Variants in PCDHA4 observed in about 807,000 individuals in gnomAD.
PCDHA4 encodes protocadherin alpha 4.
In PCDHA4, 49 loss-of-function variants were observed where a neutral mutation model predicts 61.4. The ratio of observed to expected loss-of-function variants is 0.80; its 90% CI spans 0.63 to 1.01. PCDHA4 has a LOEUF of 1.01. PCDHA4 is among the 50% of genes least tolerant of loss of function. The pLI is 0.00. For missense variants in PCDHA4, 1,254 were observed against 1,235.8 expected (o/e 1.01, Z -0.22); for synonymous variants, 590 against 550.3 (o/e 1.07, Z -1.01).
At chr5:140,876,714 CCGCGAGAG>C in intron 1 of PCDHA4, 1 of 1,614,230 alleles carries the variant, frequency 6.2e-7, no homozygotes, top group East Asian at 2.2e-5. Context: ...GCGCCCTGGA[CCGCGAGAG>C]CGTGTCGGCC....
At chr5:140,828,292 C>A in intron 1 of PCDHA4, 2 of 1,614,104 alleles carry the variant, frequency 1.2e-6, no homozygotes, top group Non-Finnish European at 1.7e-6. Flanking sequence ...TCAGGATGGC[C>A]TCCAAAGACC....
chr5:140,968,323 C>G, intron 1 of PCDHA4: 1 of 1,614,114 alleles, frequency 6.2e-7, no homozygotes, highest in Non-Finnish European at 8.5e-7. Flanking sequence ...TGCCAGTCAC[C>G]TCCTATGTCT....
In PCDHA4 at chr5:140,959,652, T is replaced by C. The variant is rs538144488; in HGVS notation, c.2386-19297T>C. 1.3e-4 allele frequency among the ~76,000 whole-genome samples: 20 copies of C among 152,234 alleles called. No individual in the cohort carries two copies. In the South Asian group the frequency reaches 4.2e-3, roughly 32 times the overall value. On this transcript the variant is annotated intron_variant, in intron 1 of 3. Transcript: ENST00000530339. ...AGAGAGAAAAAACACAGAAGCAAAATTGAAGAATTTGTAAATCATTTCTAA... is the reference window on the plus strand; with the variant it reads ...AGAGAGAAAAAACACAGAAGCAAAACTGAAGAATTTGTAAATCATTTCTAA...
intron 1 of PCDHA4, chr5:140,843,324 C>T: frequency 6.3e-7 from 1 of 1,596,010 alleles, no homozygotes; most frequent in Non-Finnish European, 8.6e-7. Flanking sequence ...GTTCTGGTGT[C>T]GCTGGTGGAG....
chr5:140,872,785 C>A (rs781982200), intron 1 of PCDHA4, among the ~76,000 whole-genome samples: 1 of 152,072 alleles, frequency 6.6e-6, no homozygotes, highest in Non-Finnish European at 1.5e-5. Context: ...ATAATATATG[C>A]TAGTTGGCAT....
intron 1 of PCDHA4, chr5:140,842,931 C>A: frequency 1.3e-6 from 2 of 1,594,502 alleles, no homozygotes; most frequent in Non-Finnish European, 1.7e-6. Flanking sequence ...CAGGTGAGCG[C>A]GCGCGACGCG....
At chr5:140,846,395 G>A (rs1168454910) in intron 1 of PCDHA4, among the ~76,000 whole-genome samples, 1 of 90,540 alleles carries the variant, frequency 1.1e-5, no homozygotes, top group Non-Finnish European at 2.1e-5. Flanking sequence ...TTTTTTTTGA[G>A]ACGGAGTCTC....
Position 140,823,167 on chromosome 5 carries a change from G to A in PCDHA4, c.2385+13595G>A, listed in dbSNP as rs150604968. The A allele has an allele frequency of 3.1e-4, 499 of 1,613,956 alleles. 3 individuals carry two copies. In the African/African-American group the frequency reaches 6.0e-3, roughly 20 times the overall value. ...AGCCCCAGTATACCGTGTTCGTGAA[G>A]GAGAACAACCCGCCAGGCTGCCACA... is the stretch of plus-strand genomic sequence containing the variant. On this transcript the variant is annotated intron_variant, in intron 1 of 3. Coordinates refer to ENST00000530339, the MANE Select transcript of PCDHA4 (RefSeq NM_018907.4).
chr5:140,841,344 A>G, intron 1 of PCDHA4: 5 of 1,612,282 alleles, frequency 3.1e-6, no homozygotes, highest in Non-Finnish European at 4.2e-6. Flanking sequence ...TGGCGAGGAG[A>G]GCTGGGATCC....
chr5:140,882,357 A>G lies in PCDHA4; in HGVS notation c.2385+72785A>G, dbSNP rs1010659037. On this transcript the variant is annotated intron_variant, in intron 1 of 3. Transcript: ENST00000530339. Reference sequence around the variant, plus strand: ...GCAGCCTGGGAGACGGGTAGTGGCCAGCTCCACTACTCCGTCCCCGAGGAA... The same window carrying G: ...GCAGCCTGGGAGACGGGTAGTGGCCGGCTCCACTACTCCGTCCCCGAGGAA... 22 of 1,614,084 alleles carry G rather than the reference A, an allele frequency of 1.4e-5. No individual in the cohort carries two copies. In the Admixed American group the frequency reaches 2.5e-4, roughly 18 times the overall value.
intron 1 of PCDHA4, among the ~76,000 whole-genome samples, chr5:140,899,512 G>C (rs4386771): frequency 0.046 from 7,065 of 152,150 alleles, 285 homozygotes; most frequent in African/African-American, 0.11. Flanking sequence ...TGCATATATT[G>C]CATCCCAGGG....
chr5:140,981,673 C>T (rs1184909774), intron 2 of PCDHA4, among the ~76,000 whole-genome samples: 1 of 152,108 alleles, frequency 6.6e-6, no homozygotes, highest in African/African-American at 2.4e-5. Flanking sequence ...TTCCTTTCTT[C>T]CTTCCTCCCT....
At chr5:140,967,144 C>T (rs1042081336) in intron 1 of PCDHA4, 9 of 1,611,144 alleles carry the variant, frequency 5.6e-6, no homozygotes, top group Non-Finnish European at 7.6e-6. Context: ...TGCTGGCGCA[C>T]AACCCCGTGG....
rs2150326977 is a variant in PCDHA4, at chr5:140,841,986, T to C, written c.2385+32414T>C. ...GCCACAGATGGGGGCAAACCTGAGCTCACAGGCACTGTTCAGCTGCTGGTC... is the reference window on the plus strand; with the variant it reads ...GCCACAGATGGGGGCAAACCTGAGCCCACAGGCACTGTTCAGCTGCTGGTC... On this transcript the variant is annotated intron_variant, in intron 1 of 3. Transcript: ENST00000530339. 2 of 1,613,792 alleles carry C rather than the reference T, an allele frequency of 1.2e-6. 1 individual carries two copies. The highest frequency in any genetic ancestry group is 4.5e-5 in the East Asian group (2 of 44,836).
intron 3 of PCDHA4, among the ~76,000 whole-genome samples, chr5:140,984,456 C>T (rs545706582): frequency 8.5e-5 from 13 of 152,286 alleles, no homozygotes; most frequent in African/African-American, 3.1e-4. Context: ...TTCTTACTGT[C>T]CCAGCCCCTC....
intron 1 of PCDHA4, among the ~76,000 whole-genome samples, chr5:140,975,776 A>G (rs1554237009): frequency 1.3e-5 from 2 of 152,152 alleles, no homozygotes; most frequent in African/African-American, 2.4e-5. Flanking sequence ...AGATAATACC[A>G]TTACAAGATA....
chr5:140,870,935 A>C, intron 1 of PCDHA4: 2 of 1,613,778 alleles, frequency 1.2e-6, no homozygotes, highest in African/African-American at 2.7e-5. Context: ...TATGAATTGC[A>C]GCCGGCGGCG....
At chr5:140,940,593 A>G (rs2092648765) in intron 1 of PCDHA4, among the ~76,000 whole-genome samples, 1 of 152,170 alleles carries the variant, frequency 6.6e-6, no homozygotes, top group Non-Finnish European at 1.5e-5. Flanking sequence ...GATTTCAGGC[A>G]TGAGCCGCTG....
At position 140,876,973 on chromosome 5, in the gene PCDHA4, G is replaced by A. The variant is rs2056750069; in HGVS notation, c.2385+67401G>A. ...CTCGCTGGTGGAGCGGCGGGTGGGC[G>A]AGCACGCACTGTCGAGCTACGTGTC... is the stretch of plus-strand genomic sequence containing the variant. On this transcript the variant is annotated intron_variant, in intron 1 of 3. Transcript: ENST00000530339. 3 of 1,612,624 alleles carry A rather than the reference G, an allele frequency of 1.9e-6. No individual in the cohort carries two copies. The South Asian group carries it at 3.3e-5, about 18-fold the overall frequency.
Sources: allele counts gnomAD v4.1 joint callset (sites outside exome capture counted in the v4.1 genomes callset), GRCh38; gene constraint gnomAD v4.1.1; transcripts MANE v1.5; gene names NCBI Gene and HGNC (gene_info 2026-07-23, HGNC 2026-07-21).